The following SHROOM3 variants were observed in gnomAD, a reference collection of about 807,000 sequenced individuals.
SHROOM3 encodes the protein shroom family member 3, also known as protein Shroom3.
Under a neutral mutation model 138.6 loss-of-function variants are expected in SHROOM3, and 47 were observed. The ratio of observed to expected loss-of-function variants is 0.34; its 90% CI spans 0.27 to 0.43. The LOEUF (loss-of-function observed/expected upper bound fraction) is 0.43, where lower values mean the gene tolerates loss of function less well. SHROOM3 is among the 20% of genes least tolerant of loss of function. SHROOM3 has a pLI of 1.00. For synonymous variants in SHROOM3, 1,062 were observed against 1,063.3 expected, an observed-to-expected ratio of 1.00 and a Z score of 0.02; for missense variants, 2,491 against 2,596.5, an observed-to-expected ratio of 0.96 and a Z score of 0.88.
chr4:76,503,276 G>A (rs776931293), intron 1 of SHROOM3, among the ~76,000 whole-genome samples: 31 of 151,494 alleles, frequency 2.0e-4, no homozygotes, highest in Non-Finnish European at 3.1e-4. Flanking sequence ...ATTCATGAAC[G>A]TTATGTTTAG....
chr4:76,598,658 G>C (rs900980610), intron 2 of SHROOM3, among the ~76,000 whole-genome samples: 3 of 152,198 alleles, frequency 2.0e-5, no homozygotes, highest in African/African-American at 7.2e-5. Flanking sequence ...TGGTGCAGCT[G>C]TATCCACCTG....
intron 2 of SHROOM3, among the ~76,000 whole-genome samples, chr4:76,701,202 C>T (rs1719894219): frequency 1.3e-5 from 2 of 152,166 alleles, no homozygotes; most frequent in Admixed American, 6.6e-5. Context: ...CATCATTTCT[C>T]TAGATCTAGG....
At chr4:76,529,312 T>C (rs1732780160) in intron 1 of SHROOM3, among the ~76,000 whole-genome samples, 1 of 151,930 alleles carries the variant, frequency 6.6e-6, no homozygotes. Context: ...AATATCTTTT[T>C]GTAGGATTCT....
chr4:76,678,898 G>T (rs1044903365), intron 2 of SHROOM3, among the ~76,000 whole-genome samples: 4 of 152,272 alleles, frequency 2.6e-5, no homozygotes, highest in Non-Finnish European at 5.9e-5. Flanking sequence ...CTGACCTCAG[G>T]TCATCTGCCT....
At chr4:76,648,806 T>A (rs1202524924) in intron 2 of SHROOM3, among the ~76,000 whole-genome samples, 1 of 152,152 alleles carries the variant, frequency 6.6e-6, no homozygotes, top group African/African-American at 2.4e-5. Flanking sequence ...AGGCAACATG[T>A]GGTGGTGGAT....
chr4:76,485,224 A>C (rs1731704506), intron 1 of SHROOM3, among the ~76,000 whole-genome samples: 1 of 151,504 alleles, frequency 6.6e-6, no homozygotes, highest in Non-Finnish European at 1.5e-5. Flanking sequence ...AATAACCTGG[A>C]CTCTGGGTAC....
At chr4:76,477,199 C>G (rs142232119) in intron 1 of SHROOM3, among the ~76,000 whole-genome samples, 5,216 of 152,112 alleles carry the variant, frequency 0.034, 99 homozygotes, top group Middle Eastern at 0.065. Context: ...GATCTTCTGA[C>G]CTCGTGATCC....
chr4:76,771,803 C>T (rs1042135777), intron 10 of SHROOM3, among the ~76,000 whole-genome samples: 1 of 152,164 alleles, frequency 6.6e-6, no homozygotes, highest in Non-Finnish European at 1.5e-5. Flanking sequence ...GTTGTATCAC[C>T]GCATTGAACA....
In SHROOM3 at chr4:76,760,523, A is replaced by G. The variant is rs559998516; in HGVS notation, c.5349+828A>G. Among the ~76,000 whole-genome samples, 6 of 152,334 alleles carry G rather than the reference A, an allele frequency of 3.9e-5. 1 individual carries two copies. In the South Asian group the frequency reaches 1.0e-3, roughly 26 times the overall value. ...AGTGGTTTTCAGTGATCCTGATTCC[A>G]GGAGAAACTTTCTAGGGTGATTTTA... is the stretch of plus-strand genomic sequence containing the variant. On this transcript the variant is annotated intron_variant, in intron 9 of 10. Coordinates refer to ENST00000296043, the MANE Select transcript of SHROOM3 (RefSeq NM_020859.4).
chr4:76,739,736 T>G lies in SHROOM3; in HGVS notation c.1563T>G (p.Asn521Lys). Residue 521 changes from asparagine (N) to lysine (K), a missense_variant, in exon 5 of 11, where the codon AAT (asparagine) becomes AAG (lysine). Around this residue, in one of 4 missense-constraint regions of SHROOM3, gnomAD observed 1,733 missense variants for 1,661.6 expected, o/e 1.04. Transcript: ENST00000296043. Reference protein sequence around the residue: ...MATIDENGNQNGSGRPGFAFC... With the variant: ...MATIDENGNQKGSGRPGFAFC... ...CCATTGATGAGAATGGGAACCAGAA[T>G]GGATCTGGCAGGCCTGGGTTTGCCT... 6.2e-7 allele frequency: 1 copy of G among 1,614,228 alleles called. No homozygotes were observed. The highest frequency in any genetic ancestry group is 8.5e-7 in the Non-Finnish European group (1 of 1,180,050).
At chr4:76,760,415 G>C (rs933954327) in intron 9 of SHROOM3, among the ~76,000 whole-genome samples, 3 of 152,228 alleles carry the variant, frequency 2.0e-5, no homozygotes, top group Non-Finnish European at 4.4e-5. Context: ...GCTGCCTTCT[G>C]CTGTGCTTGC....
chr4:76,469,405 C>T (rs1258400769), intron 1 of SHROOM3, among the ~76,000 whole-genome samples: 1 of 152,038 alleles, frequency 6.6e-6, no homozygotes, highest in East Asian at 1.9e-4. Context: ...CACCTAAGTC[C>T]CCCCACTTAA....
chr4:76,657,329 T>A (rs1335829324), intron 2 of SHROOM3, among the ~76,000 whole-genome samples: 2 of 152,226 alleles, frequency 1.3e-5, no homozygotes, highest in Non-Finnish European at 2.9e-5. Context: ...TCAACGTATT[T>A]TCTAAAATAA....
At chr4:76,478,216 A>G (rs751619672) in intron 1 of SHROOM3, among the ~76,000 whole-genome samples, 2 of 152,206 alleles carry the variant, frequency 1.3e-5, no homozygotes, top group Admixed American at 6.5e-5. Flanking sequence ...CCAGCAAGCT[A>G]AGATCCACTG....
chr4:76,651,446 A>ATATATATATG (rs1735960761), intron 2 of SHROOM3, among the ~76,000 whole-genome samples: 1 of 97,092 alleles, frequency 1.0e-5, no homozygotes, highest in Non-Finnish European at 2.1e-5. Context: ...ATATATATAT[A>ATATATATATG]CCTACTATGT....
chr4:76,759,549 G>A lies in SHROOM3; in HGVS notation c.5203G>A (p.Glu1735Lys). ...SSSGCEGKRN[E>K]DKEAVSMLVN... ...TTTGTGCTCTTTTTGGCCCAGGAAT[G>A]AAGACAAGGAAGCAGTGAGCATGTT... Residue 1735 changes from glutamate to lysine, a missense_variant, in exon 9 of 11, where the codon GAA (glutamate) becomes AAA (lysine). Physicochemically the swap from Glu to Lys is moderately conservative, Grantham distance 56 (BLOSUM62 1). This residue lies in a region of SHROOM3 where 470 missense variants were observed against 595.0 expected (regional missense o/e 0.79). Transcript: ENST00000296043. The A allele has an allele frequency of 1.9e-6, 3 of 1,614,066 alleles. No individual in the cohort carries two copies. Among genetic ancestry groups the A allele is most frequent in the Non-Finnish European group, 2.5e-6 (3 of 1,179,968 alleles).
At chr4:76,490,171 A>G (rs192807963) in intron 1 of SHROOM3, among the ~76,000 whole-genome samples, 2 of 152,306 alleles carry the variant, frequency 1.3e-5, no homozygotes, top group Non-Finnish European at 2.9e-5. Flanking sequence ...GTTGGTTGCA[A>G]AAAGCAACCA....
intron 2 of SHROOM3, among the ~76,000 whole-genome samples, chr4:76,617,873 C>G (rs1433626573): frequency 2.6e-5 from 4 of 152,210 alleles, no homozygotes; most frequent in Non-Finnish European, 4.4e-5. Flanking sequence ...GAATTTGAAA[C>G]TTGTAAACAC....
At chr4:76,464,418 T>A (rs1048181605) in intron 1 of SHROOM3, among the ~76,000 whole-genome samples, 42 of 152,172 alleles carry the variant, frequency 2.8e-4, no homozygotes, top group Admixed American at 4.6e-4. Flanking sequence ...TTTTTTTTTT[T>A]AATTTTATAG....
Sources: gnomAD v4.1 joint callset for allele counts (sites outside exome capture counted in the v4.1 genomes callset) on GRCh38, gnomAD v4.1.1 for gene constraint, gnomAD v4.1.1 regional missense constraint, MANE v1.5 for transcripts, NCBI Gene and HGNC (gene_info 2026-07-23, HGNC 2026-07-21) for gene names.